The following GLIS3 variants were observed in gnomAD, a reference collection of about 807,000 sequenced individuals.
GLIS3 encodes the protein zinc finger protein GLIS3.
Under a neutral mutation model 78.6 loss-of-function variants are expected in GLIS3, and 53 were observed. The ratio of observed to expected loss-of-function variants is 0.67; its 90% CI spans 0.54 to 0.85. The LOEUF (loss-of-function observed/expected upper bound fraction) is 0.85. GLIS3 is among the 40% of genes least tolerant of loss of function. The pLI, the probability that GLIS3 is intolerant of heterozygous loss-of-function variation, is 0.00. For synonymous variants in GLIS3, 684 were observed against 509.9 expected (o/e 1.34, Z -4.60); for missense variants, 1,703 against 1,231.1 (o/e 1.38, Z -5.74).
At chr9:4,073,963 T>C (rs73392509) in intron 4 of GLIS3, among the ~76,000 whole-genome samples, 11,759 of 152,232 alleles carry the variant, frequency 0.077, 999 homozygotes, top group East Asian at 0.27. Context: ...AAGTAAGCTG[T>C]AGAAGGCCAT....
rs77534896 is a variant in GLIS3, at chr9:4,286,874, G to C, written c.-98-351C>G. 8.6e-3 allele frequency among the ~76,000 whole-genome samples: 1,309 copies of C among 152,276 alleles called. 29 individuals are homozygous for C. The highest frequency in any genetic ancestry group is 0.03 in the African/African-American group (1,247 of 41,556). ...TACTAGTTCACTTTTGCTACAGTGGGTCTTGGGAAACCCAAAAGCACCACC... is the reference window on the plus strand; with the variant it reads ...TACTAGTTCACTTTTGCTACAGTGGCTCTTGGGAAACCCAAAAGCACCACC... On this transcript the variant is annotated intron_variant, in intron 1 of 10. Transcript: ENST00000381971.
At chr9:3,899,064 C>T (rs1162767807) in intron 6 of GLIS3, 3 of 582,126 alleles carry the variant, frequency 5.2e-6, no homozygotes, top group Non-Finnish European at 6.2e-6. Context: ...GCGGATTTGA[C>T]TTCAGTCCTT....
upstream of GLIS3, among the ~76,000 whole-genome samples, chr9:4,349,134 A>C (rs1490727761): frequency 3.3e-5 from 5 of 152,222 alleles, no homozygotes; most frequent in Admixed American, 6.5e-5. Context: ...TGATCCCTCA[A>C]CTTTCAACTT....
intron 7 of GLIS3, among the ~76,000 whole-genome samples, chr9:3,882,547 G>C (rs1287732791): frequency 6.6e-6 from 1 of 152,288 alleles, no homozygotes; most frequent in East Asian, 1.9e-4. Flanking sequence ...TGGGGCACAC[G>C]AGGTGTCAGG....
At chr9:3,896,433 G>A (rs1476000078) in intron 7 of GLIS3, among the ~76,000 whole-genome samples, 2 of 151,976 alleles carry the variant, frequency 1.3e-5, no homozygotes, top group Non-Finnish European at 2.9e-5. Flanking sequence ...TGGAGGCCGA[G>A]GTGGGTGGAT....
chr9:4,118,188 G>C lies in GLIS3; in HGVS notation c.1290C>G (p.Thr430=), dbSNP rs369534372. 1.3e-6 allele frequency: 2 copies of C among 1,576,626 alleles called. No individual in the cohort carries two copies. The highest frequency in any genetic ancestry group is 1.7e-6 in the Non-Finnish European group (2 of 1,160,706). Residue 430 remains threonine (T), a synonymous_variant, in exon 4 of 11, where the codon ACC becomes ACG. Transcript: ENST00000381971. This position sits in a 1 kb window ranked among gnomAD's most constrained non-coding sequence, Gnocchi z 4.7. ...TGCCCGGGAACTCCTCCAGGCGTTCGGTCTTGAACAGGCCGGCCGACTGGC... is the reference window on the plus strand; with the variant it reads ...TGCCCGGGAACTCCTCCAGGCGTTCCGTCTTGAACAGGCCGGCCGACTGGC... ...PDSQSAGLFK[T]ERLEEFPGST...
chr9:4,025,639 G>A (rs1009557189), intron 4 of GLIS3, among the ~76,000 whole-genome samples: 2 of 152,162 alleles, frequency 1.3e-5, no homozygotes, highest in Admixed American at 1.3e-4. Flanking sequence ...GCCCGTCTCA[G>A]CCTCCCAAAA....
At chr9:4,351,870 A>C (rs966348896), upstream of GLIS3, among the ~76,000 whole-genome samples, 1 of 152,162 alleles carries the variant, frequency 6.6e-6, no homozygotes, top group African/African-American at 2.4e-5. Context: ...TTTTCTTAAA[A>C]AAAAAATGCA....
chr9:4,455,734 G>T, the GLIS3 span, among the ~76,000 whole-genome samples: 2 of 152,154 alleles, frequency 1.3e-5, no homozygotes, highest in African/African-American at 4.8e-5. Flanking sequence ...ATACTGTGGG[G>T]ATATTGCAGG....
In GLIS3 at chr9:3,880,244, C is replaced by G. The variant is rs181346196; in HGVS notation, c.2129-649G>C. Among the ~76,000 whole-genome samples the G allele has an allele frequency of 1.1e-4, 16 of 152,342 alleles. No homozygotes were observed. The East Asian group carries it at 2.7e-3, about 26-fold the overall frequency. ...GAAAACACAGCTTCGGGATCTCCCC[C>G]CACTGTTGCCCGTTATGACACAGAG... is the stretch of plus-strand genomic sequence containing the variant. On this transcript the variant is annotated intron_variant, in intron 7 of 10. Coordinates refer to ENST00000381971, the MANE Select transcript of GLIS3 (RefSeq NM_001042413.2).
At position 4,219,165 on chromosome 9, in the gene GLIS3, G is replaced by A. The variant is rs1821107720; in HGVS notation, c.388+66873C>T. ...TGCTTTGAGCTTCTGAACCTGACAT[G>A]CCAGTAGGTTGTCCTGAGACATCCA... On this transcript the variant is annotated intron_variant, in intron 2 of 10. Transcript: ENST00000381971. Among the ~76,000 whole-genome samples the A allele has an allele frequency of 3.3e-5, 5 of 152,200 alleles. No individual in the cohort carries two copies. In the South Asian group the frequency reaches 1.0e-3, roughly 32 times the overall value.
chr9:4,417,248 G>T, the GLIS3 span, among the ~76,000 whole-genome samples: 1 of 152,128 alleles, frequency 6.6e-6, no homozygotes, highest in East Asian at 1.9e-4. Context: ...AATGACTCAC[G>T]GTTAACATGC....
chr9:4,075,411 C>CAAAAAAAAAAAAAAAAAAAAA (rs59194808), intron 4 of GLIS3, among the ~76,000 whole-genome samples: 4 of 118,164 alleles, frequency 3.4e-5, no homozygotes, highest in Admixed American at 9.2e-5. Context: ...ACTAAAAATA[C>CAAAAAAAAAAAAAAAAAAAAA]AAAAAAAAAA....
the GLIS3 span, among the ~76,000 whole-genome samples, chr9:4,359,637 G>C: frequency 1.3e-5 from 2 of 152,110 alleles, no homozygotes; most frequent in Non-Finnish European, 2.9e-5. Context: ...TGAGATCCAA[G>C]ACCTGGATTT....
At chr9:4,191,750 G>C (rs2131220812) in intron 2 of GLIS3, among the ~76,000 whole-genome samples, 1 of 152,296 alleles carries the variant, frequency 6.6e-6, no homozygotes, top group East Asian at 1.9e-4. Flanking sequence ...ATGAATTGAG[G>C]AACGTGGTTT....
chr9:3,869,517 T>C (rs1389524441), intron 8 of GLIS3, among the ~76,000 whole-genome samples: 1 of 152,190 alleles, frequency 6.6e-6, no homozygotes, highest in Non-Finnish European at 1.5e-5. Context: ...TGTGTTTGTG[T>C]GCCTGAATGT....
the GLIS3 span, among the ~76,000 whole-genome samples, chr9:4,440,563 C>T: frequency 6.6e-6 from 1 of 152,054 alleles, no homozygotes; most frequent in South Asian, 2.1e-4. Flanking sequence ...GTTATTTTAG[C>T]TTTGTTGTAT....
rs903397578 is a variant in GLIS3, at chr9:3,826,293, T to C, written c.*1979A>G. 2 of 152,198 alleles carry C rather than the reference T, an allele frequency of 1.3e-5. No individual in the cohort carries two copies. The highest frequency in any genetic ancestry group is 2.4e-5 in the African/African-American group (1 of 41,444). The allele number at this position is 152,198 out of a possible 1,614,324, so 9.4% of individuals were successfully genotyped here. A position where few individuals can be genotyped will look rare whatever the true frequency, so the allele number is the denominator to read the frequency against. ...GCAGAGTTTTTTTCTTTCCAGAGTA[T>C]GACAAAGGACGCATGAGGGATGCTA... On this transcript the variant is annotated 3_prime_UTR_variant, in exon 11 of 11. Coordinates refer to ENST00000381971, the MANE Select transcript of GLIS3 (RefSeq NM_001042413.2).
chr9:4,222,648 G>C (rs1350076429), intron 2 of GLIS3, among the ~76,000 whole-genome samples: 1 of 152,196 alleles, frequency 6.6e-6, no homozygotes, highest in African/African-American at 2.4e-5. Flanking sequence ...CAAGTGTTTG[G>C]ATGTGAAGGT....
Sources: gnomAD v4.1 joint callset for allele counts (sites outside exome capture counted in the v4.1 genomes callset) on GRCh38, gnomAD v4.1.1 for gene constraint, Gnocchi (gnomAD v3.1) non-coding constraint, MANE v1.5 for transcripts, NCBI Gene and HGNC (gene_info 2026-07-23, HGNC 2026-07-21) for gene names.